CFAP54: variants seen among roughly 807,000 people sequenced by gnomAD.
CFAP54 encodes cilia- and flagella-associated protein 54.
A neutral mutation model predicts 370.4 loss-of-function variants in CFAP54; 290 were observed. The ratio of observed to expected loss-of-function variants is 0.78; its 90% CI spans 0.71 to 0.86. The LOEUF (loss-of-function observed/expected upper bound fraction) is 0.86, where lower values mean the gene tolerates loss of function less well. Among genes scored for constraint, CFAP54 ranks in the 40% least tolerant of loss-of-function variants. CFAP54 has a pLI of 0.00. For missense variants in CFAP54, 3,399 were observed against 3,528.7 expected, an observed-to-expected ratio of 0.96 and a Z score of 0.93; for synonymous variants, 1,206 against 1,236.5, an observed-to-expected ratio of 0.98 and a Z score of 0.52.
At chr12:96,712,464 A>G (rs1259212448) in intron 48 of CFAP54, among the ~76,000 whole-genome samples, 1 of 152,116 alleles carries the variant, frequency 6.6e-6, no homozygotes, top group African/African-American at 2.4e-5. Context: ...AAAATGTGTA[A>G]TGATCAAATC....
chr12:96,557,846 C>G (rs1955770647), intron 17 of CFAP54, among the ~76,000 whole-genome samples: 1 of 151,806 alleles, frequency 6.6e-6, no homozygotes, highest in Non-Finnish European at 1.5e-5. Flanking sequence ...TAAAAAGTGA[C>G]CTGCATATAC....
intron 63 of CFAP54, among the ~76,000 whole-genome samples, chr12:96,800,567 C>T (rs1958809906): frequency 6.6e-6 from 1 of 152,150 alleles, no homozygotes; most frequent in Admixed American, 6.5e-5. Context: ...CCTAGATGCA[C>T]TAGATCTCAG....
chr12:96,860,826 T>A lies in CFAP54; in HGVS notation c.9179T>A (p.Phe3060Tyr). The change falls in exon 67 of 68, where the codon TTT becomes TAT. Residue 3060 changes from phenylalanine to tyrosine, a missense_variant. Phe to Tyr is a conservative substitution (Grantham distance 22, BLOSUM62 3). Transcript: ENST00000524981. ...TTTTATGTTTTTCCTCAGGTCCCAT[T>A]TGATATCTCACTGCCGTCTATATTC... is the stretch of plus-strand genomic sequence containing the variant. ...KEPTPLSEVPFDISLPSIFNL... is the reference protein window; with the variant it reads ...KEPTPLSEVPYDISLPSIFNL... The A allele has an allele frequency of 6.5e-7, 1 of 1,531,018 alleles. No homozygotes were observed. 94.8% of individuals were successfully genotyped at this position (1,531,018 alleles called of 1,614,324 possible).
chr12:96,839,453 C>T (rs894610564), intron 66 of CFAP54, among the ~76,000 whole-genome samples: 2 of 152,184 alleles, frequency 1.3e-5, no homozygotes, highest in African/African-American at 2.4e-5. Context: ...TAGAAGGAAG[C>T]CTCTGAGTAT....
At chr12:96,647,492 A>AAAAAAAAAAAAAAAAAAAAAAC (rs1956809273) in intron 33 of CFAP54, among the ~76,000 whole-genome samples, 1 of 149,490 alleles carries the variant, frequency 6.7e-6, no homozygotes, top group Non-Finnish European at 1.5e-5. Flanking sequence ...AAAAAAAAAA[A>AAAAAAAAAAAAAAAAAAAAAAC]AAAAGAAATG....
intron 45 of CFAP54, among the ~76,000 whole-genome samples, chr12:96,699,495 T>C (rs937989217): frequency 2.0e-5 from 3 of 152,164 alleles, no homozygotes; most frequent in African/African-American, 7.2e-5. Flanking sequence ...AAATAAAAGT[T>C]AAAAATAAAA....
At chr12:96,643,432 GAAC>G (rs1161783821) in intron 32 of CFAP54, among the ~76,000 whole-genome samples, 1 of 151,522 alleles carries the variant, frequency 6.6e-6, no homozygotes, top group African/African-American at 2.4e-5. Context: ...TTTAGATTCT[GAAC>G]AATATATAAG....
At chr12:96,530,893 C>T (rs911316404) in intron 9 of CFAP54, among the ~76,000 whole-genome samples, 4 of 152,134 alleles carry the variant, frequency 2.6e-5, no homozygotes, top group African/African-American at 9.7e-5. Context: ...AGTAATATCC[C>T]ACTGTGACTT....
At chr12:96,843,450 C>G (rs1959248102) in intron 66 of CFAP54, among the ~76,000 whole-genome samples, 1 of 152,182 alleles carries the variant, frequency 6.6e-6, no homozygotes, top group East Asian at 1.9e-4. Flanking sequence ...GAATTTCCCC[C>G]TTTTCAGAAA....
chr12:96,745,971 G>C (rs10777811), intron 55 of CFAP54, among the ~76,000 whole-genome samples: 57,396 of 151,930 alleles, frequency 0.38, 12,010 homozygotes, highest in East Asian at 0.68. Context: ...GTGGGAAAAC[G>C]GTGTATCAGC....
intron 19 of CFAP54, chr12:96,572,748 T>C: frequency 2.2e-6 from 1 of 447,366 alleles, no homozygotes; most frequent in Non-Finnish European, 3.0e-6. Flanking sequence ...ATAATACAGA[T>C]GTTCAAGCTC....
At chr12:96,740,920 G>A (rs575774604) in intron 51 of CFAP54, among the ~76,000 whole-genome samples, 5 of 152,238 alleles carry the variant, frequency 3.3e-5, no homozygotes, top group African/African-American at 1.2e-4. Flanking sequence ...TAATCTACAG[G>A]ACAGCCCTCC....
rs1955728218 is a variant in CFAP54 at position 96,554,246 on chromosome 12, A to T, written c.2219A>T (p.Asn740Ile). The stretch of plus-strand genomic sequence containing the variant: ...CTTGACAGAGCAATCGGTGGAATAA[A>T]TTTGAATTGCATGTTAACCTCTTTG... ...KLLDRAIGGI[N>I]LNCMLTSLPN... Residue 740 changes from asparagine (N) to isoleucine (I), a missense_variant, in exon 16 of 68, where the codon AAT becomes ATT. By Grantham distance (149) the Asn-to-Ile change is moderately radical (BLOSUM62 -3). Around this residue, in one of 3 missense-constraint regions of CFAP54, gnomAD observed 2,796 missense variants for 2,869.7 expected, o/e 0.97. Coordinates refer to ENST00000524981, the MANE Select transcript of CFAP54 (RefSeq NM_001306084.2). 6.5e-7 allele frequency: 1 copy of T among 1,528,360 alleles called. No homozygotes were observed. The highest frequency in any genetic ancestry group is 2.0e-5 in the Admixed American group (1 of 49,840). 94.7% of individuals were successfully genotyped at this position (1,528,360 alleles called of 1,614,324 possible).
chr12:96,654,406 CAGG>C (rs1309500487), intron 36 of CFAP54, among the ~76,000 whole-genome samples: 1 of 150,150 alleles, frequency 6.7e-6, no homozygotes, highest in Non-Finnish European at 1.5e-5. Context: ...GAGGCTGAGG[CAGG>C]AGAATGGCGT....
At chr12:96,634,058 T>TTTTTTTTTTTTTTTG (rs1956637671) in intron 32 of CFAP54, among the ~76,000 whole-genome samples, 1 of 118,994 alleles carries the variant, frequency 8.4e-6, no homozygotes, top group Non-Finnish European at 1.9e-5. Context: ...TTTTTTTTTT[T>TTTTTTTTTTTTTTTG]TTTTTTTTTT....
At chr12:96,771,614 T>C (rs1405710404) in intron 60 of CFAP54, among the ~76,000 whole-genome samples, 1 of 152,094 alleles carries the variant, frequency 6.6e-6, no homozygotes, top group Non-Finnish European at 1.5e-5. Flanking sequence ...ATAGCGCCAC[T>C]GCACTCCGGC....
chr12:96,562,428 C>CTTTTT (rs200487420), intron 17 of CFAP54, among the ~76,000 whole-genome samples: 2 of 115,104 alleles, frequency 1.7e-5, no homozygotes, highest in Non-Finnish European at 1.8e-5. Flanking sequence ...TATTTGCATT[C>CTTTTT]TTTTTTTTTT....
intron 65 of CFAP54, among the ~76,000 whole-genome samples, chr12:96,822,387 A>G (rs1959043710): frequency 1.3e-5 from 2 of 152,210 alleles, no homozygotes. Context: ...TTGTAAGACT[A>G]TTAAAATTAA....
In CFAP54 at chr12:96,630,626, A is replaced by G. The variant is rs1460777404; in HGVS notation, c.4291A>G (p.Ile1431Val). The change falls in exon 32 of 68, where the codon ATT becomes GTT. Residue 1431 changes from isoleucine to valine, a missense_variant. Coordinates refer to ENST00000524981, the MANE Select transcript of CFAP54 (RefSeq NM_001306084.2). ...LRDFIFKNPA[I>V]SEMVAHERNR... ...AGATTTCATTTTTAAAAATCCGGCT[A>G]TTTCTGAAATGGTGGCACATGAAAG... 2.7e-6 allele frequency: 4 copies of G among 1,498,320 alleles called. No individual in the cohort carries two copies. Among genetic ancestry groups the G allele is most frequent in the Non-Finnish European group, 2.7e-6 (3 of 1,130,324 alleles). 92.8% of individuals were successfully genotyped at this position (1,498,320 alleles called of 1,614,324 possible). A position where few individuals can be genotyped will look rare whatever the true frequency, so the allele number is the denominator to read the frequency against.
Sources: allele counts gnomAD v4.1 joint callset (sites outside exome capture counted in the v4.1 genomes callset), GRCh38; gene constraint gnomAD v4.1.1; regional missense constraint gnomAD v4.1.1; transcripts MANE v1.5; gene names NCBI Gene and HGNC (gene_info 2026-07-23, HGNC 2026-07-21).